STAB1: variants seen among roughly 807,000 people sequenced by gnomAD.
The protein encoded by STAB1 is stabilin 1, also known as stabilin-1.
STAB1 carries 250 observed loss-of-function variants against 332.4 expected under a neutral mutation model. The ratio of observed to expected loss-of-function variants is 0.75; its 90% CI spans 0.68 to 0.84. The LOEUF is 0.84. Among genes scored for constraint, STAB1 ranks in the 40% least tolerant of loss-of-function variants. STAB1 has a pLI of 0.00. For missense variants in STAB1, 3,249 were observed against 3,489.7 expected (o/e 0.93, Z 1.74); for synonymous variants, 1,475 against 1,390.4 (o/e 1.06, Z -1.35).
rs763509009 is a variant in STAB1 at position 52,513,734 on chromosome 3, T to C, written c.3288T>C (p.Asn1096=). 2 of 1,613,398 alleles carry C rather than the reference T, an allele frequency of 1.2e-6. No individual in the cohort carries two copies. Among genetic ancestry groups the C allele is most frequent in the African/African-American group, 1.3e-5 (1 of 75,064 alleles). ...CCTTCCAGAGGGTCTGGGTGCAGAA[T>C]GCCAGCGTGGATGTGGCTGACCTCC... ...RNISGRVWVQ[N]ASVDVADLLA... Residue 1096 remains asparagine, a synonymous_variant, in exon 31 of 69, where the codon AAT becomes AAC. Transcript: ENST00000321725.
At position 52,522,466 on chromosome 3, in the gene STAB1, A is replaced by G. The variant is rs770021002; in HGVS notation, c.6602A>G (p.His2201Arg). ...TCAGATGCCATGTGCACTGACCTGC[A>G]CTTCCAGGGTGTGTCCCCCTGCCCA... ...CHSDAMCTDL[H>R]FQEKRAGVFH... The change falls in exon 60 of 69, where the codon CAC becomes CGC. Residue 2201 changes from histidine (H) to arginine (R), a missense_variant. By Grantham distance (29) the His-to-Arg change is conservative (BLOSUM62 0). Coordinates refer to ENST00000321725, the MANE Select transcript of STAB1 (RefSeq NM_015136.3). The G allele has an allele frequency of 1.2e-6, 2 of 1,613,018 alleles. No individual in the cohort carries two copies. Among genetic ancestry groups the G allele is most frequent in the Admixed American group, 3.3e-5 (2 of 60,016 alleles).
At chr3:52,498,852 G>T (rs963627873) in intron 1 of STAB1, among the ~76,000 whole-genome samples, 1 of 152,214 alleles carries the variant, frequency 6.6e-6, no homozygotes, top group African/African-American at 2.4e-5. Context: ...CAGCAAAGGC[G>T]AGCCTCAGGA....
intron 35 of STAB1, 41 bp from the exon 36 acceptor site, chr3:52,514,948 C>T: frequency 6.2e-7 from 1 of 1,612,668 alleles, no homozygotes; most frequent in South Asian, 1.1e-5. Context: ...GGCAGGGATC[C>T]AGGCCTGGAC....
In STAB1 at chr3:52,507,963, T is replaced by C. The variant is rs778522923; in HGVS notation, c.2085T>C (p.His695=). The C allele has an allele frequency of 1.2e-6, 2 of 1,613,690 alleles. No homozygotes were observed. Among genetic ancestry groups the C allele is most frequent in the East Asian group, 2.2e-5 (1 of 44,878 alleles). ...DIFPKECVYI[H]DPTGLNVLKK... ...TCCCCAAGGAGTGTGTCTACATCCA[T>C]GACCCAACGGGGCTCAATGTGCTAA... Residue 695 remains histidine, a synonymous_variant, in exon 20 of 69, where the codon CAT becomes CAC. Transcript: ENST00000321725.
At chr3:52,504,645 C>T (rs980941776) in intron 11 of STAB1, 94 bp from the exon 12 acceptor site, 5 of 1,611,980 alleles carry the variant, frequency 3.1e-6, no homozygotes, top group Non-Finnish European at 3.4e-6. Context: ...GCATCAGGGC[C>T]TGGGATGCAT....
In STAB1 at chr3:52,523,151, C is replaced by A; in HGVS notation, c.7020+17C>A. ...TTCTATGGGGTGTGTGGGGGCCACC[C>A]TTGGGGGCGGGGGGTGCTGGGATCC... On this transcript the variant is annotated intron_variant, in intron 63 of 68. Transcript: ENST00000321725. 6.2e-7 allele frequency: 1 copy of A among 1,607,914 alleles called. No individual in the cohort carries two copies. Among genetic ancestry groups the A allele is most frequent in the Non-Finnish European group, 8.5e-7 (1 of 1,177,514 alleles).
rs1299990653 is a variant in STAB1 at position 52,517,113 on chromosome 3, A to C, written c.4489+4A>C. 1.3e-6 allele frequency: 2 copies of C among 1,536,408 alleles called. No individual in the cohort carries two copies. The highest frequency in any genetic ancestry group is 4.5e-5 in the East Asian group (2 of 44,160). ...GGCGACGGGGAGCTGTGCCAGGGTG[A>C]GACTAGGCCCCTAACCTGGGTTTAT... On this transcript the variant is annotated splice_donor_region_variant and intron_variant, in intron 42 of 68. Transcript: ENST00000321725.
intron 47 of STAB1, 40 bp from the exon 48 acceptor site, chr3:52,518,683 G>A (rs888053320): frequency 4.3e-6 from 7 of 1,611,890 alleles, no homozygotes; most frequent in East Asian, 2.2e-5. Context: ...GGGCTGAGGC[G>A]GCAGTCAGGG....
intron 1 of STAB1, among the ~76,000 whole-genome samples, chr3:52,499,095 G>A (rs1319439308): frequency 6.6e-6 from 1 of 152,186 alleles, no homozygotes; most frequent in African/African-American, 2.4e-5. Flanking sequence ...GATGTTCTGG[G>A]GTCACTCCCT....
At chr3:52,521,816 G>A (rs2079080910) in intron 57 of STAB1, 28 bp from the exon 58 acceptor site, 5 of 1,593,682 alleles carry the variant, frequency 3.1e-6, no homozygotes, top group Non-Finnish European at 4.3e-6. Flanking sequence ...TACTAACCTG[G>A]TTCTGGGGGC....
Position 52,523,355 on chromosome 3 carries a change from G to T in STAB1, c.7140+14G>T. On this transcript the variant is annotated intron_variant, in intron 64 of 68. Transcript: ENST00000321725. ...GTGGACAACATGGTAACCCCCAAGG[G>T]TGTGGGCAGAGCAGAGCCTGCATTG... 1 of 1,609,378 alleles carries T rather than the reference G, an allele frequency of 6.2e-7. No individual in the cohort carries two copies. The highest frequency in any genetic ancestry group is 1.1e-5 in the South Asian group (1 of 91,086).
In STAB1 at chr3:52,506,195, A is replaced by C. The variant is rs1356769267; in HGVS notation, c.1775A>C (p.Lys592Thr). 3.7e-6 allele frequency: 6 copies of C among 1,612,558 alleles called. No homozygotes were observed. The highest frequency in any genetic ancestry group is 5.1e-6 in the Non-Finnish European group (6 of 1,179,638). Residue 592 changes from lysine to threonine, a missense_variant, in exon 17 of 69, where the codon AAG (lysine) becomes ACG (threonine). Lys to Thr is a moderately conservative substitution (Grantham distance 78, BLOSUM62 -1). Transcript: ENST00000321725. ...GQLTVEKLIS[K>T]GRILTMANQV... ...CTGACCGTTGAGAAGCTCATCTCCA[A>C]GGGTCGGATCCTCACCATGGCGAAC... is the stretch of plus-strand genomic sequence containing the variant.
In STAB1 at chr3:52,520,026, C is replaced by T; in HGVS notation, c.5318C>T (p.Ala1773Val). The change falls in exon 51 of 69, where the codon GCT (alanine) becomes GTT (valine). Residue 1773 changes from alanine to valine, a missense_variant. Physicochemically the swap from Ala to Val is moderately conservative, Grantham distance 64 (BLOSUM62 0). Transcript: ENST00000321725. Reference sequence around the variant, plus strand: ...TGGCCCACAGACGCCGCCTTTCGAGCTCTGCCTCCGGATCGCCAGGCCTGG... The same window carrying T: ...TGGCCCACAGACGCCGCCTTTCGAGTTCTGCCTCCGGATCGCCAGGCCTGG... ...MLWPTDAAFR[A>V]LPPDRQAWLY... 3.7e-6 allele frequency: 6 copies of T among 1,612,670 alleles called. No homozygotes were observed. The highest frequency in any genetic ancestry group is 5.1e-6 in the Non-Finnish European group (6 of 1,179,896).
intron 46 of STAB1, 85 bp from the exon 47 acceptor site, chr3:52,518,449 TTC>T (rs965827683): frequency 1.3e-6 from 2 of 1,568,442 alleles, no homozygotes; most frequent in African/African-American, 1.3e-5. Flanking sequence ...GGCTGGTTTG[TTC>T]TCTCTGAGTC....
At chr3:52,498,022 G>A (rs555222010) in intron 1 of STAB1, among the ~76,000 whole-genome samples, 1 of 152,278 alleles carries the variant, frequency 6.6e-6, no homozygotes, top group Non-Finnish European at 1.5e-5. Context: ...GCACGGTCCA[G>A]AACCCAGCCC....
Position 52,505,892 on chromosome 3 carries a change from A to C in STAB1, c.1705A>C (p.Lys569Gln). 2 of 1,613,906 alleles carry C rather than the reference A, an allele frequency of 1.2e-6. No individual in the cohort carries two copies. Among genetic ancestry groups the C allele is most frequent in the Non-Finnish European group, 1.7e-6 (2 of 1,180,018 alleles). Residue 569 changes from lysine to glutamine, a missense_variant, in exon 16 of 69, where the codon AAA becomes CAA. Coordinates refer to ENST00000321725, the MANE Select transcript of STAB1 (RefSeq NM_015136.3). ...LIYLFTAGLS[K>Q]LQELVRYHIY... ...CTCTCTCCCCTGCCAGGGTCTCTCTAAACTGCAGGAGTTGGTGCGGTACCA... is the reference window on the plus strand; with the variant it reads ...CTCTCTCCCCTGCCAGGGTCTCTCTCAACTGCAGGAGTTGGTGCGGTACCA...
Position 52,514,095 on chromosome 3 carries a change from G to C in STAB1, c.3448-20G>C, listed in dbSNP as rs1709493787. 6.2e-7 allele frequency: 1 copy of C among 1,612,234 alleles called. No homozygotes were observed. Among genetic ancestry groups the C allele is most frequent in the African/African-American group, 1.3e-5 (1 of 74,904 alleles). On this transcript the variant is annotated intron_variant, in intron 32 of 68. Transcript: ENST00000321725. Reference sequence around the variant, plus strand: ...ACTGACAACTAATATGCCCATCCCTGACCTCCACCCCATCCCTAGCACCAT... The same window carrying C: ...ACTGACAACTAATATGCCCATCCCTCACCTCCACCCCATCCCTAGCACCAT...
In STAB1 at chr3:52,504,590, C is replaced by T. The variant is rs750647447; in HGVS notation, c.1239+41C>T. ...TGGTGGAGCTGGCCACTGGCCCTCA[C>T]CTCCTCCCCTGGATGCATCCCCAGT... On this transcript the variant is annotated intron_variant, in intron 11 of 68. Coordinates refer to ENST00000321725, the MANE Select transcript of STAB1 (RefSeq NM_015136.3). 9 of 1,612,774 alleles carry T rather than the reference C, an allele frequency of 5.6e-6. No individual in the cohort carries two copies. The Admixed American group carries it at 1.2e-4, about 21-fold the overall frequency.
chr3:52,505,783 T>TTTGCCCC lies in STAB1; in HGVS notation c.1695+2_1695+3insTTGCCCC. The stretch of plus-strand genomic sequence containing the variant: ...CGCCTGATCTACCTCTTCACAGCGG[T>TTTGCCCC]AAGCTCAGCGGGAGAAGGGGCTGCG... On this transcript the variant is annotated splice_region_variant and intron_variant, in intron 15 of 68. Transcript: ENST00000321725. The TTTGCCCC allele has an allele frequency of 6.2e-7, 1 of 1,613,794 alleles. No homozygotes were observed.
Sources: gnomAD v4.1 joint callset for allele counts (sites outside exome capture counted in the v4.1 genomes callset) on GRCh38, gnomAD v4.1.1 for gene constraint, MANE v1.5 for transcripts, NCBI Gene and HGNC (gene_info 2026-07-23, HGNC 2026-07-21) for gene names.